CDH13: variants seen among roughly 807,000 people sequenced by gnomAD.
CDH13 encodes cadherin 13, also known as cadherin-13.
Under a neutral mutation model 63.8 loss-of-function variants are expected in CDH13, and 24 were observed. That is an observed-to-expected ratio of 0.38 (90% CI 0.27 to 0.53). CDH13 has a LOEUF of 0.53. CDH13 is among the 20% of genes least tolerant of loss of function. The probability of loss-of-function intolerance (pLI) is 0.85; values close to 1 mark genes in which losing one functional copy is unlikely to be tolerated. For missense variants in CDH13, 1,049 were observed against 903.1 expected (o/e 1.16, Z -2.07); for synonymous variants, 503 against 355.3 (o/e 1.42, Z -4.67).
At chr16:83,745,967 G>A (rs945187679) in intron 10 of CDH13, among the ~76,000 whole-genome samples, 2 of 152,124 alleles carry the variant, frequency 1.3e-5, no homozygotes, top group East Asian at 1.9e-4. Context: ...TTTGAGTGTG[G>A]GTTCAGGGTC....
At chr16:83,392,761 T>A (rs2091812881) in intron 6 of CDH13, among the ~76,000 whole-genome samples, 1 of 152,024 alleles carries the variant, frequency 6.6e-6, no homozygotes, top group South Asian at 2.1e-4. Context: ...TCAGAGCTTC[T>A]GTAATTACAC....
At chr16:82,741,054 TCTCTCA>T in intron 1 of CDH13, among the ~76,000 whole-genome samples, 1 of 152,144 alleles carries the variant, frequency 6.6e-6, no homozygotes, top group Non-Finnish European at 1.5e-5. Flanking sequence ...GTATACATAC[TCTCTCA>T]CTCTCACTCT....
At chr16:83,657,323 G>T (rs935994054) in intron 8 of CDH13, among the ~76,000 whole-genome samples, 1 of 152,150 alleles carries the variant, frequency 6.6e-6, no homozygotes, top group Admixed American at 6.5e-5. Context: ...GACATTATGA[G>T]GTCAAACAAG....
intron 5 of CDH13, among the ~76,000 whole-genome samples, chr16:83,294,695 C>T (rs897564230): frequency 1.3e-5 from 2 of 151,704 alleles, no homozygotes; most frequent in Non-Finnish European, 2.9e-5. Flanking sequence ...GATCTTTACA[C>T]TGAAAACTAT....
chr16:82,711,160 A>G (rs2031911472), intron 1 of CDH13, among the ~76,000 whole-genome samples: 1 of 152,128 alleles, frequency 6.6e-6, no homozygotes, highest in Non-Finnish European at 1.5e-5. Context: ...GCCGCGTGGC[A>G]GTGACCGCAG....
chr16:83,602,699 C>G, intron 8 of CDH13, 105 bp downstream of exon 8: 1 of 1,113,212 alleles, frequency 9.0e-7, no homozygotes, highest in East Asian at 2.4e-5. Flanking sequence ...CTTTCAAAAT[C>G]AAAATACTCC....
intron 5 of CDH13, among the ~76,000 whole-genome samples, chr16:83,308,639 A>C (rs1214892975): frequency 1.3e-5 from 2 of 152,246 alleles, no homozygotes; most frequent in Non-Finnish European, 2.9e-5. Flanking sequence ...GATCCATGGA[A>C]AGAACCTTTC....
At chr16:83,196,533 A>C (rs964847154) in intron 4 of CDH13, among the ~76,000 whole-genome samples, 2 of 152,208 alleles carry the variant, frequency 1.3e-5, no homozygotes, top group African/African-American at 4.8e-5. Context: ...TACAAACCAC[A>C]TATCTGAAAA....
At chr16:82,673,730 C>T (rs1913566205) in intron 1 of CDH13, among the ~76,000 whole-genome samples, 1 of 152,124 alleles carries the variant, frequency 6.6e-6, no homozygotes, top group Non-Finnish European at 1.5e-5. Context: ...GGGCAGGAGG[C>T]AGAGTGTTCA....
At chr16:83,344,392 G>A (rs1172404935) in intron 5 of CDH13, among the ~76,000 whole-genome samples, 1 of 152,188 alleles carries the variant, frequency 6.6e-6, no homozygotes, top group Non-Finnish European at 1.5e-5. Flanking sequence ...CTAGCCTGAG[G>A]AAAGCCCCCA....
intron 4 of CDH13, among the ~76,000 whole-genome samples, chr16:83,189,136 T>C (rs900743961): frequency 4.6e-5 from 7 of 152,092 alleles, no homozygotes; most frequent in African/African-American, 1.7e-4. Flanking sequence ...TTGTGATAGA[T>C]AAGGCAAAAG....
chr16:83,502,726 T>A (rs2151589379), intron 7 of CDH13, among the ~76,000 whole-genome samples: 1 of 152,312 alleles, frequency 6.6e-6, no homozygotes, highest in South Asian at 2.1e-4. Context: ...TACATTAGCT[T>A]CATGGCCGTT....
At chr16:83,651,870 C>G (rs891968329) in intron 8 of CDH13, among the ~76,000 whole-genome samples, 12 of 152,170 alleles carry the variant, frequency 7.9e-5, no homozygotes, top group Non-Finnish European at 1.5e-5. Flanking sequence ...GCTGGAATTA[C>G]AGGCGTGAGC....
intron 7 of CDH13, among the ~76,000 whole-genome samples, chr16:83,554,551 A>G (rs1037158711): frequency 2.0e-5 from 3 of 152,128 alleles, no homozygotes; most frequent in African/African-American, 7.2e-5. Context: ...ATCAATTTAA[A>G]ACCCTGAAAA....
chr16:83,632,597 A>C (rs1910885380), intron 8 of CDH13, among the ~76,000 whole-genome samples: 1 of 151,248 alleles, frequency 6.6e-6, no homozygotes. Flanking sequence ...CCCACGGAGT[A>C]GTGACATTTT....
At chr16:82,667,492 C>A (rs1028305199) in intron 1 of CDH13, among the ~76,000 whole-genome samples, 1 of 152,172 alleles carries the variant, frequency 6.6e-6, no homozygotes, top group Non-Finnish European at 1.5e-5. Context: ...GCTCAAGGGG[C>A]GTTCCTTTCC....
At chr16:82,835,427 G>A (rs1343361574) in intron 1 of CDH13, among the ~76,000 whole-genome samples, 1 of 152,152 alleles carries the variant, frequency 6.6e-6, no homozygotes, top group Non-Finnish European at 1.5e-5. Context: ...TTTAGCTGGA[G>A]GGACCATATT....
intron 7 of CDH13, among the ~76,000 whole-genome samples, chr16:83,510,163 A>C (rs950366169): frequency 1.3e-5 from 2 of 152,216 alleles, no homozygotes; most frequent in Non-Finnish European, 2.9e-5. Flanking sequence ...CAAAACAGTG[A>C]GATATTTAAA....
intron 1 of CDH13, among the ~76,000 whole-genome samples, chr16:82,718,325 C>G (rs1276130826): frequency 1.3e-5 from 2 of 152,138 alleles, no homozygotes; most frequent in Non-Finnish European, 2.9e-5. Flanking sequence ...CACAGGTATT[C>G]CCAGTAAGCA....
Sources: allele counts gnomAD v4.1 joint callset (sites outside exome capture counted in the v4.1 genomes callset), GRCh38; gene constraint gnomAD v4.1.1; transcripts MANE v1.5; gene names NCBI Gene and HGNC (gene_info 2026-07-23, HGNC 2026-07-21).